Variants in CACNB2 observed in about 807,000 individuals in gnomAD.
CACNB2 encodes voltage-dependent L-type calcium channel subunit beta-2.
CACNB2 carries 42 observed loss-of-function variants against 73.3 expected under a neutral mutation model. That is an observed-to-expected ratio of 0.57 (90% confidence interval 0.45 to 0.74). The LOEUF (loss-of-function observed/expected upper bound fraction) is 0.74, where lower values mean the gene tolerates loss of function less well. Among genes scored for constraint, CACNB2 ranks in the 30% least tolerant of loss-of-function variants. The pLI, the probability that CACNB2 is intolerant of heterozygous loss-of-function variation, is 0.00. For missense variants in CACNB2, 940 were observed against 853.0 expected (o/e 1.10, Z -1.27); for synonymous variants, 348 against 310.3 (o/e 1.12, Z -1.28).
At chr10:18,524,713 C>T (rs1167568878) in intron 9 of CACNB2, among the ~76,000 whole-genome samples, 4 of 145,464 alleles carry the variant, frequency 2.7e-5, no homozygotes, top group Non-Finnish European at 4.5e-5. Flanking sequence ...ATGGAAACCA[C>T]GAGGAAAATA....
chr10:18,216,122 C>T (rs1268830747), intron 2 of CACNB2, among the ~76,000 whole-genome samples: 2 of 128,766 alleles, frequency 1.6e-5, no homozygotes, highest in East Asian at 4.2e-4. Context: ...ATGGTGAAAC[C>T]CCGTCTCAAC....
chr10:18,286,555 A>ACAT (rs1314399735), intron 2 of CACNB2, among the ~76,000 whole-genome samples: 1 of 147,024 alleles, frequency 6.8e-6, no homozygotes, highest in African/African-American at 2.5e-5. Flanking sequence ...AAAAAAAGGA[A>ACAT]CATTACTTAT....
At chr10:18,224,071 T>G (rs2035894589) in intron 2 of CACNB2, among the ~76,000 whole-genome samples, 1 of 152,130 alleles carries the variant, frequency 6.6e-6, no homozygotes, top group Admixed American at 6.5e-5. Context: ...AGGACTGCTT[T>G]TAGGTGGCCC....
chr10:18,200,536 T>G (rs1291543897), intron 2 of CACNB2, among the ~76,000 whole-genome samples: 1 of 151,946 alleles, frequency 6.6e-6, no homozygotes, highest in African/African-American at 2.4e-5. Flanking sequence ...ATAATAAAAT[T>G]TAAAACTTCC....
chr10:18,171,261 A>G (rs2033206357), intron 2 of CACNB2, among the ~76,000 whole-genome samples: 1 of 152,168 alleles, frequency 6.6e-6, no homozygotes, highest in East Asian at 1.9e-4. Context: ...ATTCTTTGGA[A>G]AGGGGATTGT....
intron 2 of CACNB2, among the ~76,000 whole-genome samples, chr10:18,249,528 A>C (rs2037003732): frequency 6.6e-6 from 1 of 152,108 alleles, no homozygotes; most frequent in African/African-American, 2.4e-5. Context: ...TATTGAACTC[A>C]TTTCAGACTC....
At chr10:18,352,583 T>C (rs1290803395) in intron 2 of CACNB2, among the ~76,000 whole-genome samples, 1 of 152,216 alleles carries the variant, frequency 6.6e-6, no homozygotes, top group African/African-American at 2.4e-5. Flanking sequence ...GCTACCCACT[T>C]GTTGCTTTGG....
intron 3 of CACNB2, among the ~76,000 whole-genome samples, chr10:18,465,904 C>T (rs1006782677): frequency 1.3e-5 from 2 of 152,204 alleles, no homozygotes; most frequent in Admixed American, 6.5e-5. Context: ...TGCTCTCGAA[C>T]TCCTGACCTC....
intron 2 of CACNB2, chr10:18,341,034 A>C: frequency 6.5e-7 from 1 of 1,542,414 alleles, no homozygotes; most frequent in Admixed American, 1.7e-5. Context: ...AGAAAACAGG[A>C]ATGCATAGAA....
chr10:18,242,356 T>A (rs973384433), intron 2 of CACNB2, among the ~76,000 whole-genome samples: 2 of 152,170 alleles, frequency 1.3e-5, no homozygotes, highest in Admixed American at 6.5e-5. Flanking sequence ...GGAATATACT[T>A]GAGTAGAGAG....
intron 6 of CACNB2, chr10:18,513,001 C>G (rs1343325219): frequency 5.1e-6 from 1 of 196,878 alleles, no homozygotes; most frequent in Non-Finnish European, 1.0e-5. Context: ...TGCATCTCAT[C>G]GATCTGCTGA....
intron 2 of CACNB2, among the ~76,000 whole-genome samples, chr10:18,186,124 A>G (rs1394397064): frequency 6.6e-6 from 1 of 152,208 alleles, no homozygotes; most frequent in Non-Finnish European, 1.5e-5. Context: ...ACATTACTAT[A>G]AAGAAATACC....
At chr10:18,144,280 A>C (rs1289584860) in intron 1 of CACNB2, among the ~76,000 whole-genome samples, 2 of 152,162 alleles carry the variant, frequency 1.3e-5, no homozygotes, top group Non-Finnish European at 2.9e-5. Context: ...AGGTTTCACC[A>C]TGTTGGCTAG....
intron 2 of CACNB2, among the ~76,000 whole-genome samples, chr10:18,213,210 C>T (rs905033635): frequency 3.9e-5 from 6 of 152,132 alleles, no homozygotes; most frequent in African/African-American, 7.2e-5. Context: ...AAGGGTCCTG[C>T]GCCTTGGTAG....
intron 3 of CACNB2, among the ~76,000 whole-genome samples, chr10:18,493,625 T>C (rs2049599614): frequency 6.6e-6 from 1 of 152,216 alleles, no homozygotes. Flanking sequence ...AATGGCGCTC[T>C]TACCCTTGTT....
intron 2 of CACNB2, among the ~76,000 whole-genome samples, chr10:18,394,032 C>T (rs1158790188): frequency 6.6e-6 from 1 of 152,160 alleles, no homozygotes; most frequent in Non-Finnish European, 1.5e-5. Flanking sequence ...ACCTCTGCCT[C>T]CCAGGTTCAG....
intron 3 of CACNB2, among the ~76,000 whole-genome samples, chr10:18,411,243 T>C (rs1434200228): frequency 6.7e-6 from 1 of 149,130 alleles, no homozygotes; most frequent in Non-Finnish European, 1.5e-5. Context: ...TAGCTTAGAT[T>C]GCGTTTTTCT....
intron 3 of CACNB2, among the ~76,000 whole-genome samples, chr10:18,477,386 C>A (rs1323097127): frequency 1.3e-5 from 2 of 152,180 alleles, no homozygotes; most frequent in African/African-American, 2.4e-5. Flanking sequence ...CTTGGGAATG[C>A]AGCCCAGTAG....
At chr10:18,204,836 A>G (rs2035023707) in intron 2 of CACNB2, among the ~76,000 whole-genome samples, 1 of 152,214 alleles carries the variant, frequency 6.6e-6, no homozygotes, top group African/African-American at 2.4e-5. Flanking sequence ...TTCTGATCAC[A>G]TATGCATTCC....
Sources: allele counts gnomAD v4.1 joint callset (sites outside exome capture counted in the v4.1 genomes callset), GRCh38; gene constraint gnomAD v4.1.1; transcripts MANE v1.5; gene names NCBI Gene and HGNC (gene_info 2026-07-23, HGNC 2026-07-21).